Variants in ASTN2 observed in about 807,000 individuals in gnomAD.
ASTN2 encodes the protein astrotactin 2.
Under a neutral mutation model 139.8 loss-of-function variants are expected in ASTN2, and 54 were observed. The ratio of observed to expected loss-of-function variants is 0.39; its 90% CI spans 0.31 to 0.48. ASTN2 has a LOEUF of 0.48. ASTN2 is among the 20% of genes least tolerant of loss of function. The probability of loss-of-function intolerance (pLI) is 0.95; values close to 1 mark genes in which losing one functional copy is unlikely to be tolerated. For missense variants in ASTN2, 1,565 were observed against 1,725.1 expected (o/e 0.91, Z 1.64); for synonymous variants, 756 against 719.5 (o/e 1.05, Z -0.81).
intron 2 of ASTN2, among the ~76,000 whole-genome samples, chr9:117,229,161 G>A (rs17317790): frequency 0.48 from 73,362 of 151,992 alleles, 17,984 homozygotes; most frequent in South Asian, 0.62. Context: ...GGCAGGACAG[G>A]CAACCCAGGG....
At chr9:116,709,785 C>T (rs1279076611) in intron 16 of ASTN2, among the ~76,000 whole-genome samples, 4 of 152,188 alleles carry the variant, frequency 2.6e-5, no homozygotes, top group Non-Finnish European at 5.9e-5. Context: ...CTAAGGCATT[C>T]ATTTCACATC....
At chr9:116,990,189 T>C (rs1339368305) in intron 7 of ASTN2, among the ~76,000 whole-genome samples, 2 of 150,016 alleles carry the variant, frequency 1.3e-5, no homozygotes, top group South Asian at 2.1e-4. Flanking sequence ...ACATGGCACA[T>C]AAAGGTGCCA....
intron 12 of ASTN2, among the ~76,000 whole-genome samples, chr9:116,817,169 C>T (rs868471249): frequency 6.6e-6 from 1 of 151,796 alleles, no homozygotes; most frequent in African/African-American, 2.4e-5. Context: ...TGGCACGCAC[C>T]TATAGTCCCG....
At chr9:116,574,220 T>C (rs1019215690) in intron 19 of ASTN2, among the ~76,000 whole-genome samples, 1 of 152,170 alleles carries the variant, frequency 6.6e-6, no homozygotes, top group Admixed American at 6.5e-5. Context: ...ATAGATAATA[T>C]GTAAATAAAA....
At position 116,847,316 on chromosome 9, in the gene ASTN2, A is replaced by G. The variant is rs138705168; in HGVS notation, c.2040+16267T>C. Among the ~76,000 whole-genome samples the G allele has an allele frequency of 9.2e-5, 14 of 152,144 alleles. No individual in the cohort carries two copies. The East Asian group carries it at 2.5e-3, about 27-fold the overall frequency. On this transcript the variant is annotated intron_variant, in intron 11 of 22. Transcript: ENST00000313400. ...TTTTTAGTAGAGACGGCGTTTCACT[A>G]TGTTGGCCAGGATGGTCTCAATCTC... is the stretch of plus-strand genomic sequence containing the variant.
At chr9:116,513,269 T>C (rs1850484664) in intron 19 of ASTN2, among the ~76,000 whole-genome samples, 1 of 152,236 alleles carries the variant, frequency 6.6e-6, no homozygotes. Context: ...AAGCTTAGTT[T>C]CGCTGGATAT....
chr9:116,587,533 A>G (rs1426107203), intron 19 of ASTN2, among the ~76,000 whole-genome samples: 1 of 152,028 alleles, frequency 6.6e-6, no homozygotes, highest in Non-Finnish European at 1.5e-5. Context: ...CCACACTACC[A>G]TTCTCAGGTT....
chr9:116,904,405 G>A (rs1417030560), intron 10 of ASTN2, among the ~76,000 whole-genome samples: 2 of 152,156 alleles, frequency 1.3e-5, no homozygotes, highest in Admixed American at 1.3e-4. Context: ...AGTCTGGTCA[G>A]GCTGTTCATA....
intron 19 of ASTN2, among the ~76,000 whole-genome samples, chr9:116,571,751 A>G (rs2131690055): frequency 6.6e-6 from 1 of 152,194 alleles, no homozygotes; most frequent in African/African-American, 2.4e-5. Flanking sequence ...GTGGCATGCT[A>G]TCCCCATGGT....
intron 19 of ASTN2, among the ~76,000 whole-genome samples, chr9:116,515,690 C>CTGTAGT (rs1850618005): frequency 6.6e-6 from 1 of 152,168 alleles, no homozygotes; most frequent in African/African-American, 2.4e-5. Context: ...TACTAGCAGC[C>CTGTAGT]AAAGGCCACC....
In ASTN2 at chr9:116,883,766, T is replaced by C. The variant is rs372370391; in HGVS notation, c.1890-20033A>G. 2.0e-5 allele frequency among the ~76,000 whole-genome samples: 3 copies of C among 152,196 alleles called. 1 individual carries two copies. The South Asian group carries it at 6.2e-4, about 32-fold the overall frequency. ...AGGCCTACTTGGATTTGCAGACTGATGCAGGCCAGGCACAGGAGATTTCTA... is the reference window on the plus strand; with the variant it reads ...AGGCCTACTTGGATTTGCAGACTGACGCAGGCCAGGCACAGGAGATTTCTA... On this transcript the variant is annotated intron_variant, in intron 10 of 22. Coordinates refer to ENST00000313400, the MANE Select transcript of ASTN2 (RefSeq NM_001365068.1).
At chr9:117,322,728 G>A (rs1201324694) in intron 1 of ASTN2, among the ~76,000 whole-genome samples, 1 of 152,150 alleles carries the variant, frequency 6.6e-6, no homozygotes, top group Non-Finnish European at 1.5e-5. Context: ...TCTGGGCAGT[G>A]AAGTGGCAGG....
rs536069585 is a variant in ASTN2, at chr9:116,622,712, G to C, written c.3073-2269C>G. On this transcript the variant is annotated intron_variant, in intron 17 of 22. Coordinates refer to ENST00000313400, the MANE Select transcript of ASTN2 (RefSeq NM_001365068.1). ...CCAGATTCAGTAAATTAAAACACAAGGTGCTCAGTTAAATTCAAATTCCAG... is the reference window on the plus strand; with the variant it reads ...CCAGATTCAGTAAATTAAAACACAACGTGCTCAGTTAAATTCAAATTCCAG... Among the ~76,000 whole-genome samples, 147 of 152,266 alleles carry C rather than the reference G, an allele frequency of 9.7e-4. 1 individual carries two copies. The highest frequency in any genetic ancestry group is 1.8e-3 in the Non-Finnish European group (123 of 68,022).
chr9:116,591,324 G>A (rs375019914), intron 19 of ASTN2, among the ~76,000 whole-genome samples: 5 of 152,272 alleles, frequency 3.3e-5, no homozygotes, highest in East Asian at 1.9e-4. Flanking sequence ...CACCCATGCC[G>A]GAACCTGAAG....
At chr9:116,837,777 T>C (rs919633444) in intron 11 of ASTN2, among the ~76,000 whole-genome samples, 3 of 152,192 alleles carry the variant, frequency 2.0e-5, no homozygotes, top group African/African-American at 7.2e-5. Context: ...CCTGGGGGAC[T>C]TCCTGCTGAT....
chr9:116,825,141 T>C (rs776417701), intron 11 of ASTN2, among the ~76,000 whole-genome samples: 39 of 152,134 alleles, frequency 2.6e-4, no homozygotes, highest in Non-Finnish European at 5.4e-4. Context: ...TTTCTATAAA[T>C]AGAGGAGCCA....
intron 10 of ASTN2, among the ~76,000 whole-genome samples, chr9:116,896,364 T>C (rs1052635959): frequency 4.6e-5 from 7 of 152,338 alleles, no homozygotes; most frequent in African/African-American, 1.7e-4. Flanking sequence ...GAGATGGAGT[T>C]TCCCTCTTGT....
intron 2 of ASTN2, among the ~76,000 whole-genome samples, chr9:117,246,762 A>G (rs2133083686): frequency 6.6e-6 from 1 of 152,306 alleles, no homozygotes; most frequent in East Asian, 1.9e-4. Flanking sequence ...ATAGGAAACA[A>G]GAGGTAAATA....
At position 117,230,772 on chromosome 9, in the gene ASTN2, G is replaced by A. The variant is rs190036991; in HGVS notation, c.631-16030C>T. ...GTGGCTATTCTGGGGCAGAGGGAGC[G>A]GACAGTGCATGCATCATGGAAAGGT... On this transcript the variant is annotated intron_variant, in intron 2 of 22. Coordinates refer to ENST00000313400, the MANE Select transcript of ASTN2 (RefSeq NM_001365068.1). 9.2e-5 allele frequency among the ~76,000 whole-genome samples: 14 copies of A among 152,144 alleles called. No homozygotes were observed. In the East Asian group the frequency reaches 9.7e-4, roughly 11 times the overall value.
Sources: gnomAD v4.1 joint callset for allele counts (sites outside exome capture counted in the v4.1 genomes callset) on GRCh38, gnomAD v4.1.1 for gene constraint, MANE v1.5 for transcripts, NCBI Gene and HGNC (gene_info 2026-07-23, HGNC 2026-07-21) for gene names.